Variants in EDIL3 observed in about 807,000 individuals in gnomAD.
The protein encoded by EDIL3 is EGF like and discoidin domains 3.
Under a neutral mutation model 67.4 loss-of-function variants are expected in EDIL3, and 37 were observed. That is an observed-to-expected ratio of 0.55 (90% confidence interval 0.42 to 0.72). The LOEUF (loss-of-function observed/expected upper bound fraction) is 0.72, where lower values mean the gene tolerates loss of function less well. Ranked by LOEUF, EDIL3 falls within the 30% of genes least tolerant of loss-of-function variation. The pLI is 0.00. For synonymous variants in EDIL3, 195 were observed against 196.3 expected, an observed-to-expected ratio of 0.99 and a Z score of 0.05; for missense variants, 527 against 586.3, an observed-to-expected ratio of 0.90 and a Z score of 1.04.
chr5:84,170,731 T>C (rs913285066), intron 4 of EDIL3, among the ~76,000 whole-genome samples: 8 of 152,144 alleles, frequency 5.3e-5, no homozygotes, highest in Admixed American at 2.6e-4. Flanking sequence ...TGTAATACTA[T>C]TTCTATTTCT....
rs77833848 is a variant in EDIL3 at position 84,287,163 on chromosome 5, G to A, written c.68-32951C>T. Among the ~76,000 whole-genome samples the A allele has an allele frequency of 6.8e-4, 103 of 152,218 alleles. 4 individuals carry two copies. The East Asian group carries it at 0.017, about 25-fold the overall frequency. ...GTATAATAGATGCATACGTTCTATT[G>A]AGCTAAAGCTGTATTTATCCACTTG... On this transcript the variant is annotated intron_variant, in intron 1 of 10. Coordinates refer to ENST00000296591, the MANE Select transcript of EDIL3 (RefSeq NM_005711.5).
At chr5:84,035,261 A>T (rs1200750194) in intron 9 of EDIL3, among the ~76,000 whole-genome samples, 1 of 152,178 alleles carries the variant, frequency 6.6e-6, no homozygotes, top group Non-Finnish European at 1.5e-5. Context: ...TAATGACTAA[A>T]TCTTAGCAAA....
Position 83,943,385 on chromosome 5 carries a change from A to G in EDIL3, c.*34T>C, listed in dbSNP as rs758695469. ...CATTCCATGGAGATACTTTTAGGGA[A>G]ATAGGGAAGAGGGTTGTGAAATGTA... On this transcript the variant is annotated 3_prime_UTR_variant, in exon 11 of 11. Coordinates refer to ENST00000296591, the MANE Select transcript of EDIL3 (RefSeq NM_005711.5). 8.7e-6 allele frequency: 14 copies of G among 1,611,316 alleles called. No individual in the cohort carries two copies. Among genetic ancestry groups the G allele is most frequent in the Non-Finnish European group, 1.2e-5 (14 of 1,178,564 alleles).
At chr5:83,971,596 AT>A (rs750390103) in intron 9 of EDIL3, among the ~76,000 whole-genome samples, 38 of 151,270 alleles carry the variant, frequency 2.5e-4, no homozygotes, top group Admixed American at 4.6e-4. Context: ...CCCACTTAAA[AT>A]TTTTTTTTCA....
chr5:84,001,018 T>C (rs2112169321), intron 9 of EDIL3, among the ~76,000 whole-genome samples: 2 of 152,058 alleles, frequency 1.3e-5, no homozygotes, highest in South Asian at 4.2e-4. Flanking sequence ...AATAAGCACT[T>C]ACATCAAAAA....
intron 5 of EDIL3, among the ~76,000 whole-genome samples, chr5:84,108,172 C>G (rs1331033694): frequency 1.3e-5 from 2 of 151,542 alleles, no homozygotes; most frequent in African/African-American, 4.8e-5. Context: ...TATTAGGAGC[C>G]AAATTATAAT....
chr5:84,148,013 G>C (rs1748318846), intron 4 of EDIL3, among the ~76,000 whole-genome samples: 1 of 152,032 alleles, frequency 6.6e-6, no homozygotes, highest in East Asian at 1.9e-4. Flanking sequence ...TGTCCTAAAT[G>C]AGATTTCTAA....
At chr5:84,196,899 C>A (rs1743721057) in intron 3 of EDIL3, 2 of 151,848 alleles carry the variant, frequency 1.3e-5, no homozygotes, top group African/African-American at 4.8e-5. Context: ...GCTTTGGATG[C>A]ACATATACTA....
chr5:84,042,430 C>T (rs531095556), intron 9 of EDIL3, among the ~76,000 whole-genome samples: 111 of 152,026 alleles, frequency 7.3e-4, no homozygotes, highest in Non-Finnish European at 1.2e-3. Context: ...TACAGGTGCC[C>T]GCCACCATGC....
intron 1 of EDIL3, among the ~76,000 whole-genome samples, chr5:84,301,890 A>AT (rs1159746770): frequency 3.9e-5 from 6 of 151,920 alleles, no homozygotes; most frequent in African/African-American, 9.7e-5. Context: ...TTTTTGCGTG[A>AT]TTTTTTTTCC....
chr5:84,059,017 G>A (rs1277288711), intron 9 of EDIL3, among the ~76,000 whole-genome samples: 1 of 151,990 alleles, frequency 6.6e-6, no homozygotes, highest in Non-Finnish European at 1.5e-5. Flanking sequence ...TAAAGCTCTA[G>A]ATCAATAAAA....
intron 6 of EDIL3, among the ~76,000 whole-genome samples, chr5:84,079,429 T>C (rs146625684): frequency 6.6e-6 from 1 of 151,962 alleles, no homozygotes; most frequent in Non-Finnish European, 1.5e-5. Context: ...CTGGGGTTAG[T>C]GTAAGAGTGT....
At chr5:84,297,315 C>CA (rs1746072274) in intron 1 of EDIL3, among the ~76,000 whole-genome samples, 1 of 151,580 alleles carries the variant, frequency 6.6e-6, no homozygotes, top group Non-Finnish European at 1.5e-5. Context: ...AAATGCAAAT[C>CA]AAAACCACAA....
At chr5:84,117,088 C>T (rs1318596881) in intron 5 of EDIL3, among the ~76,000 whole-genome samples, 2 of 124,556 alleles carry the variant, frequency 1.6e-5, no homozygotes, top group South Asian at 2.6e-4. Context: ...AGTGCAGTGG[C>T]GCAATCTCGG....
intron 3 of EDIL3, among the ~76,000 whole-genome samples, chr5:84,182,629 T>C (rs770024211): frequency 3.5e-4 from 54 of 152,328 alleles, no homozygotes; most frequent in Non-Finnish European, 6.2e-4. Context: ...TTTCTTCTTC[T>C]GAGAGCTGTA....
At chr5:84,289,433 T>A (rs1484859636) in intron 1 of EDIL3, among the ~76,000 whole-genome samples, 1 of 152,182 alleles carries the variant, frequency 6.6e-6, no homozygotes, top group African/African-American at 2.4e-5. Context: ...ACCTCTGAGT[T>A]CTTATTATTT....
At chr5:84,034,861 T>G (rs1580290970) in intron 9 of EDIL3, among the ~76,000 whole-genome samples, 1 of 152,160 alleles carries the variant, frequency 6.6e-6, no homozygotes, top group Admixed American at 6.5e-5. Context: ...TTTTCTCTAG[T>G]CTAAGCCAGG....
At chr5:84,321,096 A>G (rs1236897339) in intron 1 of EDIL3, among the ~76,000 whole-genome samples, 1 of 152,186 alleles carries the variant, frequency 6.6e-6, no homozygotes, top group Non-Finnish European at 1.5e-5. Flanking sequence ...ATGAAATCAT[A>G]GTGATATTTT....
At chr5:84,383,835 C>T (rs1190438368) in intron 1 of EDIL3, among the ~76,000 whole-genome samples, 1 of 152,188 alleles carries the variant, frequency 6.6e-6, no homozygotes, top group Non-Finnish European at 1.5e-5. Context: ...CGCCAGAGCA[C>T]CGCACCCGGG....
Sources: allele counts gnomAD v4.1 joint callset (sites outside exome capture counted in the v4.1 genomes callset), GRCh38; gene constraint gnomAD v4.1.1; transcripts MANE v1.5; gene names NCBI Gene and HGNC (gene_info 2026-07-23, HGNC 2026-07-21).